KIAA1549L: variants seen among roughly 807,000 people sequenced by gnomAD.
KIAA1549L encodes the protein KIAA1549 like, also known as UPF0606 protein KIAA1549L.
KIAA1549L carries 88 observed loss-of-function variants against 160.7 expected under a neutral mutation model. The ratio of observed to expected loss-of-function variants is 0.55; its 90% CI spans 0.46 to 0.65. KIAA1549L has a LOEUF of 0.65. Among genes scored for constraint, KIAA1549L ranks in the 30% least tolerant of loss-of-function variants. The pLI, the probability that KIAA1549L is intolerant of heterozygous loss-of-function variation, is 0.00. For missense variants in KIAA1549L, 2,258 were observed against 2,437.5 expected (o/e 0.93, Z 1.55); for synonymous variants, 950 against 976.7 (o/e 0.97, Z 0.51).
chr11:33,564,763 ATG>A (rs1854991425), intron 8 of KIAA1549L, among the ~76,000 whole-genome samples: 1 of 139,104 alleles, frequency 7.2e-6, no homozygotes. Context: ...CACTTGGGCC[ATG>A]TGGACTTCAC....
In KIAA1549L at chr11:33,543,614, T is replaced by C. The variant is rs761682232; in HGVS notation, c.2051T>C (p.Ile684Thr). ...SSMDVYDSLT[I>T]GDMKKPATTD... Reference sequence around the variant, plus strand: ...ATGGATGTATATGATTCCTTAACAATAGGAGACATGAAAAAGCCAGCAACC... The same window carrying C: ...ATGGATGTATATGATTCCTTAACAACAGGAGACATGAAAAAGCCAGCAACC... Residue 684 changes from isoleucine to threonine, a missense_variant, in exon 2 of 21, where the codon ATA becomes ACA. This residue lies in a region of KIAA1549L where 287 missense variants were observed against 292.3 expected (regional missense o/e 0.98). Coordinates refer to ENST00000658780, the MANE Select transcript of KIAA1549L (RefSeq NM_012194.3). The C allele has an allele frequency of 1.2e-6, 2 of 1,613,830 alleles. No individual in the cohort carries two copies. Among genetic ancestry groups the C allele is most frequent in the Non-Finnish European group, 1.7e-6 (2 of 1,179,818 alleles).
chr11:33,429,842 T>C (rs1304172498), intron 1 of KIAA1549L, among the ~76,000 whole-genome samples: 1 of 152,164 alleles, frequency 6.6e-6, no homozygotes, highest in African/African-American at 2.4e-5. Context: ...ACTGCAGTCA[T>C]CTGGACCCAA....
chr11:33,547,978 A>T, intron 4 of KIAA1549L, 99 bp downstream of exon 4: 1 of 752,750 alleles, frequency 1.3e-6, no homozygotes, highest in East Asian at 2.8e-5. Context: ...GGATCATAAC[A>T]ACACTGGCCA....
intron 1 of KIAA1549L, among the ~76,000 whole-genome samples, chr11:33,469,284 A>G (rs955147182): frequency 2.0e-5 from 3 of 152,130 alleles, no homozygotes; most frequent in African/African-American, 7.2e-5. Flanking sequence ...ATCATATAGT[A>G]TGTGGCCTTT....
Position 33,480,769 on chromosome 11 carries a change from A to G in KIAA1549L, c.239-61033A>G, listed in dbSNP as rs1852394882. Among the ~76,000 whole-genome samples, 3 of 152,108 alleles carry G rather than the reference A, an allele frequency of 2.0e-5. No homozygotes were observed. The South Asian group carries it at 6.2e-4, about 32-fold the overall frequency. On this transcript the variant is annotated intron_variant, in intron 1 of 20. Coordinates refer to ENST00000658780, the MANE Select transcript of KIAA1549L (RefSeq NM_012194.3). ...CAGACTCTTTGCAGTCTTTGTGCCAAACTCTGCAGTGAGACTGCCACTGTT... is the reference window on the plus strand; with the variant it reads ...CAGACTCTTTGCAGTCTTTGTGCCAGACTCTGCAGTGAGACTGCCACTGTT...
chr11:33,537,614 ATCTC>A (rs1352695220), intron 1 of KIAA1549L, among the ~76,000 whole-genome samples: 13 of 152,196 alleles, frequency 8.5e-5, no homozygotes, highest in African/African-American at 3.1e-4. Flanking sequence ...TTAAGTTCTA[ATCTC>A]TCTCTTTATA....
chr11:33,625,527 T>G (rs1851081377), intron 16 of KIAA1549L, among the ~76,000 whole-genome samples: 1 of 152,250 alleles, frequency 6.6e-6, no homozygotes, highest in Non-Finnish European at 1.5e-5. Flanking sequence ...GAGCATTTTT[T>G]CATGTGTTTT....
intron 16 of KIAA1549L, among the ~76,000 whole-genome samples, chr11:33,629,047 C>G (rs1308846772): frequency 4.6e-5 from 7 of 151,854 alleles, no homozygotes; most frequent in Non-Finnish European, 8.8e-5. Context: ...ACTTACGAAG[C>G]TTAGTTTGGC....
intron 17 of KIAA1549L, among the ~76,000 whole-genome samples, chr11:33,647,370 T>C (rs1396747231): frequency 9.4e-6 from 1 of 106,670 alleles, no homozygotes; most frequent in East Asian, 2.6e-4. Flanking sequence ...AGTAAGACTC[T>C]GTCTCAAAAA....
intron 1 of KIAA1549L, among the ~76,000 whole-genome samples, chr11:33,493,236 C>T (rs954461558): frequency 1.3e-5 from 2 of 152,112 alleles, no homozygotes; most frequent in Admixed American, 1.3e-4. Context: ...GGCTCCAACC[C>T]TCATGAATGG....
At chr11:33,591,116 T>G in intron 11 of KIAA1549L, 121 bp from the exon 12 acceptor site, 8 of 706,962 alleles carry the variant, frequency 1.1e-5, no homozygotes, top group Non-Finnish European at 1.5e-5. Flanking sequence ...GAGTTAACTC[T>G]TGTTTATTAA....
intron 1 of KIAA1549L, among the ~76,000 whole-genome samples, chr11:33,413,042 A>G (rs1850814454): frequency 6.6e-6 from 1 of 152,086 alleles, no homozygotes. Context: ...TATGAATAAA[A>G]TTTTCCAAAG....
At chr11:33,647,510 G>A (rs983218457) in intron 17 of KIAA1549L, among the ~76,000 whole-genome samples, 3 of 151,772 alleles carry the variant, frequency 2.0e-5, no homozygotes, top group East Asian at 1.9e-4. Context: ...CACAAAAACC[G>A]AGAAGTTATA....
chr11:33,560,948 A>G (rs919948279), intron 7 of KIAA1549L, among the ~76,000 whole-genome samples: 16 of 152,178 alleles, frequency 1.1e-4, no homozygotes, highest in Admixed American at 3.9e-4. Context: ...ATTATGTCAC[A>G]TGTCAGCATG....
At chr11:33,571,176 G>A (rs912242371) in intron 9 of KIAA1549L, among the ~76,000 whole-genome samples, 4 of 152,154 alleles carry the variant, frequency 2.6e-5, no homozygotes, top group Admixed American at 2.0e-4. Flanking sequence ...CCAGCTACTC[G>A]GGAGGCTGAA....
intron 1 of KIAA1549L, among the ~76,000 whole-genome samples, chr11:33,466,483 G>T (rs1343713506): frequency 2.0e-5 from 3 of 152,180 alleles, no homozygotes; most frequent in African/African-American, 7.2e-5. Flanking sequence ...CGCTGGAGAG[G>T]ATGTGGAGAA....
At chr11:33,472,833 A>C (rs1267065260) in intron 1 of KIAA1549L, among the ~76,000 whole-genome samples, 1 of 152,164 alleles carries the variant, frequency 6.6e-6, no homozygotes, top group African/African-American at 2.4e-5. Context: ...GGAGAGATTC[A>C]CCTTACTAGT....
chr11:33,377,905 C>A (rs1315652470), intron 1 of KIAA1549L, among the ~76,000 whole-genome samples: 1 of 152,092 alleles, frequency 6.6e-6, no homozygotes, highest in Non-Finnish European at 1.5e-5. Context: ...ATTCAGAGCC[C>A]ATTTTCCTTC....
intron 1 of KIAA1549L, among the ~76,000 whole-genome samples, chr11:33,535,819 A>G (rs994983738): frequency 6.6e-6 from 1 of 152,078 alleles, no homozygotes; most frequent in Admixed American, 6.5e-5. Flanking sequence ...TTTTTACTTC[A>G]GTGCCTTCCT....
Sources: allele counts gnomAD v4.1 joint callset (sites outside exome capture counted in the v4.1 genomes callset), GRCh38; gene constraint gnomAD v4.1.1; regional missense constraint gnomAD v4.1.1; transcripts MANE v1.5; gene names NCBI Gene and HGNC (gene_info 2026-07-23, HGNC 2026-07-21).